MTFR1: variants seen among roughly 807,000 people sequenced by gnomAD.
The protein encoded by MTFR1 is chondrocyte protein with a poly-proline region.
In MTFR1, 28 loss-of-function variants were observed where a neutral mutation model predicts 38.8. The observed-to-expected ratio is 0.72, with a 90% confidence interval of 0.53 to 0.99. The LOEUF (loss-of-function observed/expected upper bound fraction) is 0.99. Ranked by LOEUF, MTFR1 falls within the 50% of genes least tolerant of loss-of-function variation. The pLI, the probability that MTFR1 is intolerant of heterozygous loss-of-function variation, is 0.00. For synonymous variants in MTFR1, 145 were observed against 137.0 expected (o/e 1.06, Z -0.41); for missense variants, 358 against 395.5 (o/e 0.91, Z 0.81).
At chr8:65,731,360 T>C (rs1339168416) in intron 3 of MTFR1, among the ~76,000 whole-genome samples, 1 of 152,154 alleles carries the variant, frequency 6.6e-6, no homozygotes, top group African/African-American at 2.4e-5. Flanking sequence ...CAGGGACAAG[T>C]AGAGCAAGGT....
At chr8:65,760,201 C>T (rs181309456) in intron 3 of MTFR1, among the ~76,000 whole-genome samples, 185 of 152,282 alleles carry the variant, frequency 1.2e-3, no homozygotes, top group African/African-American at 2.0e-3. Context: ...GATCGTGCTA[C>T]TGCACTCCAG....
At chr8:65,716,025 A>T (rs1465117505) in intron 2 of MTFR1, among the ~76,000 whole-genome samples, 3 of 124,586 alleles carry the variant, frequency 2.4e-5, no homozygotes, top group Non-Finnish European at 5.4e-5. Context: ...AAAAAAAAAA[A>T]TTAGCTGGGT....
intron 1 of MTFR1, among the ~76,000 whole-genome samples, chr8:65,665,608 G>T (rs1365147058): frequency 1.3e-5 from 2 of 152,082 alleles, no homozygotes; most frequent in African/African-American, 4.8e-5. Flanking sequence ...CAAAACCTTG[G>T]AGTAATTTGA....
chr8:65,683,780 C>A (rs1384676511), intron 3 of MTFR1, among the ~76,000 whole-genome samples: 2 of 152,040 alleles, frequency 1.3e-5, no homozygotes, highest in East Asian at 3.9e-4. Context: ...GCATCTCTGC[C>A]TCCCTAAGTG....
At chr8:65,727,132 G>T in intron 3 of MTFR1, 1 of 1,259,980 alleles carries the variant, frequency 7.9e-7, no homozygotes, top group Non-Finnish European at 1.1e-6. Flanking sequence ...TTTCTAGAAT[G>T]CAAAAATAAT....
downstream of MTFR1, among the ~76,000 whole-genome samples, chr8:65,771,647 G>A (rs963622360): frequency 3.9e-5 from 6 of 152,108 alleles, no homozygotes; most frequent in East Asian, 3.9e-4. Flanking sequence ...AGGCCAGGGC[G>A]GGCGGATCAC....
At chr8:65,692,771 G>C (rs930054185) in intron 3 of MTFR1, among the ~76,000 whole-genome samples, 1 of 151,524 alleles carries the variant, frequency 6.6e-6, no homozygotes, top group Non-Finnish European at 1.5e-5. Flanking sequence ...GATTTAAGGA[G>C]TTTTAAAAAA....
At position 65,767,726 on chromosome 8, in the gene MTFR1, C is replaced by T. The variant is rs528852002; in HGVS notation, c.*49-3221C>T. On this transcript the variant is annotated intron_variant, in intron 3 of 3. Transcript: ENST00000521247. ...ACATGTAGAGTTTCTTGGAGGGTGG[C>T]GTCCCAGGGAAGGCATGGAAGTTCT... Among the ~76,000 whole-genome samples the T allele has an allele frequency of 1.2e-3, 188 of 152,194 alleles. 1 individual carries two copies. Among genetic ancestry groups the T allele is most frequent in the Non-Finnish European group, 2.3e-3 (155 of 68,012 alleles).
intron 4 of MTFR1, 56 bp from the exon 5 acceptor site, chr8:65,704,638 G>T: frequency 1.4e-6 from 2 of 1,401,502 alleles, no homozygotes; most frequent in Admixed American, 3.4e-5. Flanking sequence ...GGTGAGGATG[G>T]TGTTTCACGT....
At chr8:65,692,143 A>C (rs889773354) in intron 3 of MTFR1, among the ~76,000 whole-genome samples, 2 of 152,152 alleles carry the variant, frequency 1.3e-5, no homozygotes, top group African/African-American at 4.8e-5. Context: ...TCCTTAATTA[A>C]AAAGTGTGGA....
At chr8:65,756,736 T>C (rs779792163) in intron 3 of MTFR1, among the ~76,000 whole-genome samples, 17 of 152,310 alleles carry the variant, frequency 1.1e-4, no homozygotes, top group Middle Eastern at 3.4e-3. Context: ...GTAATTCCAA[T>C]GTGTGGGCTT....
intron 4 of MTFR1, among the ~76,000 whole-genome samples, chr8:65,702,278 T>C (rs1424948464): frequency 1.4e-5 from 2 of 139,328 alleles, no homozygotes; most frequent in African/African-American, 5.0e-5. Context: ...TTTTCTTTGT[T>C]TCTTTTCTTT....
At chr8:65,680,626 C>T (rs994756774) in intron 2 of MTFR1, among the ~76,000 whole-genome samples, 1 of 152,028 alleles carries the variant, frequency 6.6e-6, no homozygotes, top group Non-Finnish European at 1.5e-5. Flanking sequence ...TACAGTGAAC[C>T]GTTGTTTGGT....
At chr8:65,774,815 C>T (rs930411428), downstream of MTFR1, among the ~76,000 whole-genome samples, 1 of 151,714 alleles carries the variant, frequency 6.6e-6, no homozygotes, top group Non-Finnish European at 1.5e-5. Context: ...TAATGAGAAA[C>T]GTCCGGCTGT....
At chr8:65,690,348 A>G (rs944300387) in intron 3 of MTFR1, among the ~76,000 whole-genome samples, 2 of 152,046 alleles carry the variant, frequency 1.3e-5, no homozygotes, top group Non-Finnish European at 2.9e-5. Flanking sequence ...CAGCCTGGGC[A>G]ACATGGCGAT....
At chr8:65,661,565 G>T (rs1458620940) in intron 1 of MTFR1, among the ~76,000 whole-genome samples, 2 of 152,076 alleles carry the variant, frequency 1.3e-5, no homozygotes, top group Non-Finnish European at 2.9e-5. Flanking sequence ...TGGGACGGGG[G>T]TTGCAGTGAG....
chr8:65,687,029 C>T (rs1805105858), intron 3 of MTFR1, among the ~76,000 whole-genome samples: 1 of 152,112 alleles, frequency 6.6e-6, no homozygotes, highest in Admixed American at 6.5e-5. Flanking sequence ...TGCTGCTTAC[C>T]CTTAAAGATT....
At chr8:65,778,499 A>G in the MTFR1 span, among the ~76,000 whole-genome samples, 1 of 152,162 alleles carries the variant, frequency 6.6e-6, no homozygotes, top group Non-Finnish European at 1.5e-5. Context: ...AAAGACCAAG[A>G]CACTGTAGAG....
chr8:65,761,446 G>A (rs947131971), intron 3 of MTFR1, among the ~76,000 whole-genome samples: 1 of 152,092 alleles, frequency 6.6e-6, no homozygotes, highest in African/African-American at 2.4e-5. Flanking sequence ...GATTAAACTT[G>A]CCTTTATTAA....
Sources: allele counts gnomAD v4.1 joint callset (sites outside exome capture counted in the v4.1 genomes callset), GRCh38; gene constraint gnomAD v4.1.1; transcripts MANE v1.5; gene names NCBI Gene and HGNC (gene_info 2026-07-23, HGNC 2026-07-21).